Variants in UST observed in about 807,000 individuals in gnomAD.
UST encodes the protein chondroitin sulfate 2-O-sulfotransferase.
Under a neutral mutation model 45.6 loss-of-function variants are expected in UST, and 21 were observed. The ratio of observed to expected loss-of-function variants is 0.46; its 90% CI spans 0.33 to 0.66. UST has a LOEUF of 0.66. Among genes scored for constraint, UST ranks in the 30% least tolerant of loss-of-function variants. The pLI is 0.02. For synonymous variants in UST, 215 were observed against 200.6 expected (o/e 1.07, Z -0.61); for missense variants, 463 against 512.4 (o/e 0.90, Z 0.93).
chr6:149,068,610 T>G (rs1776775443), intron 7 of UST, among the ~76,000 whole-genome samples: 1 of 152,240 alleles, frequency 6.6e-6, no homozygotes, highest in South Asian at 2.1e-4. Flanking sequence ...TATCACATTT[T>G]ATTGATGTAT....
intron 2 of UST, among the ~76,000 whole-genome samples, chr6:148,911,822 C>T (rs1163117209): frequency 6.6e-6 from 1 of 152,090 alleles, no homozygotes; most frequent in African/African-American, 2.4e-5. Flanking sequence ...CTTATTAATT[C>T]CATGCTTTTT....
Position 148,747,396 on chromosome 6 carries a change from G to T in UST, c.-35G>T, listed in dbSNP as rs1775886138. 7.3e-7 allele frequency: 1 copy of T among 1,372,370 alleles called. No homozygotes were observed. The highest frequency in any genetic ancestry group is 3.0e-5 in the East Asian group (1 of 32,978). 85.0% of individuals were successfully genotyped at this position (1,372,370 alleles called of 1,614,324 possible). ...GCGGCGGATGGGTGACCTTTTCCTGGCACGGGCAGGCTGTGGGAGGCAGCG... is the reference window on the plus strand; with the variant it reads ...GCGGCGGATGGGTGACCTTTTCCTGTCACGGGCAGGCTGTGGGAGGCAGCG... On this transcript the variant is annotated 5_prime_UTR_variant, in exon 1 of 8. Transcript: ENST00000367463.
At chr6:148,782,462 T>C (rs1776660402) in intron 1 of UST, among the ~76,000 whole-genome samples, 1 of 151,994 alleles carries the variant, frequency 6.6e-6, no homozygotes, top group Non-Finnish European at 1.5e-5. Flanking sequence ...TGCTTCTTTT[T>C]TTTTTTGAGA....
In UST at chr6:149,074,298, T is replaced by C; in HGVS notation, c.*182T>C. ...GGGTTTTATTTGTTTAATTTTATTC[T>C]GTGTTTTCTCTTGGCTCTTTGGGTC... On this transcript the variant is annotated 3_prime_UTR_variant, in exon 8 of 8. Coordinates refer to ENST00000367463, the MANE Select transcript of UST (RefSeq NM_005715.3). 1.5e-6 allele frequency: 1 copy of C among 680,238 alleles called. No individual in the cohort carries two copies. Among genetic ancestry groups the C allele is most frequent in the Non-Finnish European group, 2.4e-6 (1 of 413,882 alleles). The allele number at this position is 680,238 out of a possible 1,614,324, so 42.1% of individuals were successfully genotyped here. A position where few individuals can be genotyped will look rare whatever the true frequency, so the allele number is the denominator to read the frequency against.
At chr6:148,962,320 C>G (rs1780676912) in intron 4 of UST, among the ~76,000 whole-genome samples, 1 of 152,260 alleles carries the variant, frequency 6.6e-6, no homozygotes, top group South Asian at 2.1e-4. Context: ...TGAGAGCCAT[C>G]TCCTGATGGG....
intron 1 of UST, among the ~76,000 whole-genome samples, chr6:148,862,118 T>A (rs952706147): frequency 7.9e-5 from 12 of 152,312 alleles, no homozygotes; most frequent in African/African-American, 2.6e-4. Flanking sequence ...CCCATTATTA[T>A]TGTGTGGGAG....
rs143433928 is a variant in UST at position 148,755,231 on chromosome 6, T to C, written c.247+7554T>C. ...CATTCTCATGAAATTGGAATTCATA[T>C]GCAATTTATTTTGTATTCATGTTGT... On this transcript the variant is annotated intron_variant, in intron 1 of 7. Transcript: ENST00000367463. Among the ~76,000 whole-genome samples, 811 of 152,330 alleles carry C rather than the reference T, an allele frequency of 5.3e-3. 7 individuals are homozygous for C. The highest frequency in any genetic ancestry group is 0.019 in the African/African-American group (779 of 41,574).
At chr6:148,992,938 G>A in intron 5 of UST, 1 of 951,290 alleles carries the variant, frequency 1.1e-6, no homozygotes, top group South Asian at 4.9e-5. Context: ...AAATACTTAG[G>A]ATTACAAAGA....
intron 1 of UST, among the ~76,000 whole-genome samples, chr6:148,858,901 A>G (rs184911991): frequency 6.6e-6 from 1 of 152,218 alleles, no homozygotes; most frequent in Non-Finnish European, 1.5e-5. Context: ...CCTATCATTG[A>G]TGGACATTTG....
chr6:148,917,325 A>G (rs1362326865), intron 2 of UST, among the ~76,000 whole-genome samples: 1 of 152,260 alleles, frequency 6.6e-6, no homozygotes, highest in Non-Finnish European at 1.5e-5. Flanking sequence ...ACACAGGGCC[A>G]TGCATATAGC....
chr6:148,747,524 A>G lies in UST; in HGVS notation c.94A>G (p.Lys32Glu). ...CGCCCCTCCGGGCCTGGGCAGCTGG[A>G]AGCGTCGGGTGCCCCTGCTGCCTTT... ...GGAPPGLGSWKRRVPLLPFLR... is the reference protein window; with the variant it reads ...GGAPPGLGSWERRVPLLPFLR... Residue 32 changes from lysine (K) to glutamate (E), a missense_variant, in exon 1 of 8, where the codon AAG (lysine) becomes GAG (glutamate). Coordinates refer to ENST00000367463, the MANE Select transcript of UST (RefSeq NM_005715.3). The G allele has an allele frequency of 6.5e-7, 1 of 1,545,444 alleles. No individual in the cohort carries two copies. The highest frequency in any genetic ancestry group is 8.7e-7 in the Non-Finnish European group (1 of 1,146,868).
At chr6:148,929,778 C>T (rs1343478439) in intron 2 of UST, among the ~76,000 whole-genome samples, 1 of 152,116 alleles carries the variant, frequency 6.6e-6, no homozygotes, top group Non-Finnish European at 1.5e-5. Flanking sequence ...CCCATTTGTT[C>T]TTGAGCTGCA....
intron 5 of UST, among the ~76,000 whole-genome samples, chr6:148,967,855 G>A (rs982568210): frequency 6.6e-6 from 1 of 152,254 alleles, no homozygotes; most frequent in Non-Finnish European, 1.5e-5. Context: ...GAGCTGCTTA[G>A]CATACAGCTG....
chr6:148,905,920 C>G (rs374340594), intron 2 of UST, among the ~76,000 whole-genome samples: 4 of 152,182 alleles, frequency 2.6e-5, no homozygotes, highest in East Asian at 3.8e-4. Flanking sequence ...CATACTGTTA[C>G]CGGTATGCAT....
At chr6:149,056,131 T>C (rs1039640055) in intron 7 of UST, among the ~76,000 whole-genome samples, 3 of 114,082 alleles carry the variant, frequency 2.6e-5, no homozygotes, top group African/African-American at 1.1e-4. Flanking sequence ...TTTTTTTTTT[T>C]TTTTTTTTTT....
intron 1 of UST, among the ~76,000 whole-genome samples, chr6:148,792,216 G>A (rs1776862730): frequency 6.6e-6 from 1 of 152,176 alleles, no homozygotes; most frequent in Admixed American, 6.5e-5. Flanking sequence ...ATTAATGTGA[G>A]TTTGAAAATA....
At chr6:149,022,190 C>G (rs1296742261) in intron 7 of UST, among the ~76,000 whole-genome samples, 1 of 152,084 alleles carries the variant, frequency 6.6e-6, no homozygotes, top group East Asian at 1.9e-4. Context: ...TTTGTTTTTT[C>G]CTATTCTCCT....
rs1277270124 is a variant in UST at position 148,747,059 on chromosome 6, C to G, written c.-372C>G. 6.6e-6 allele frequency among the ~76,000 whole-genome samples: 1 copy of G among 151,740 alleles called. No homozygotes were observed. The highest frequency in any genetic ancestry group is 1.5e-5 in the Non-Finnish European group (1 of 67,732). ...AAGCCTGAACCGGGACAAAACACGC[C>G]GAGACCTACAGACACAAAGCCGGGG... On this transcript the variant is annotated 5_prime_UTR_variant, in exon 1 of 8. Coordinates refer to ENST00000367463, the MANE Select transcript of UST (RefSeq NM_005715.3).
intron 1 of UST, among the ~76,000 whole-genome samples, chr6:148,809,730 C>G (rs1037216394): frequency 6.6e-6 from 1 of 152,236 alleles, no homozygotes. Context: ...CATTCATGTA[C>G]ATACCCATCA....
Sources: allele counts gnomAD v4.1 joint callset (sites outside exome capture counted in the v4.1 genomes callset), GRCh38; gene constraint gnomAD v4.1.1; transcripts MANE v1.5; gene names NCBI Gene and HGNC (gene_info 2026-07-23, HGNC 2026-07-21).